PRAC2: variants seen among roughly 807,000 people sequenced by gnomAD.
PRAC2 encodes PRAC2 small nuclear protein, also known as protein PRAC2.
For synonymous variants in PRAC2, 43 were observed against 49.5 expected, an observed-to-expected ratio of 0.87 and a Z score of 0.55; for missense variants, 92 against 114.5, an observed-to-expected ratio of 0.80 and a Z score of 0.90.
chr17:48,724,346 C>A lies in PRAC2; in HGVS notation c.-65C>A. ...TGCACAGGTTCCATACAAGTAAATC[C>A]GAAAAAAAGTGTGTGTGGGGGGGTC... On this transcript the variant is annotated 5_prime_UTR_variant, in exon 2 of 2. Coordinates refer to ENST00000422730, the MANE Select transcript of PRAC2 (RefSeq NM_001282275.2). 2 of 1,233,880 alleles carry A rather than the reference C, an allele frequency of 1.6e-6. No homozygotes were observed. The highest frequency in any genetic ancestry group is 8.2e-5 in the South Asian group (2 of 24,386). The allele number at this position is 1,233,880 out of a possible 1,614,324, so 76.4% of individuals were successfully genotyped here. A position where few individuals can be genotyped will look rare whatever the true frequency, so the allele number is the denominator to read the frequency against.
upstream of PRAC2, among the ~76,000 whole-genome samples, chr17:48,720,739 G>T (rs186649238): frequency 6.6e-6 from 1 of 152,272 alleles, no homozygotes; most frequent in East Asian, 1.9e-4. Flanking sequence ...TCCCCTGTTT[G>T]CATATATGCA....
chr17:48,722,013 A>G, upstream of PRAC2: 9 of 1,203,924 alleles, frequency 7.5e-6, no homozygotes, highest in Non-Finnish European at 1.0e-5. Context: ...CTTATGGCAG[A>G]CCTTACAGCG....
At chr17:48,722,689 A>G (rs2038158635), upstream of PRAC2, among the ~76,000 whole-genome samples, 1 of 151,524 alleles carries the variant, frequency 6.6e-6, no homozygotes, top group South Asian at 2.1e-4. Flanking sequence ...ATCTCCCTGG[A>G]CCTCCTGGTT....
At chr17:48,719,985 T>C (rs2038129759), upstream of PRAC2, among the ~76,000 whole-genome samples, 1 of 152,024 alleles carries the variant, frequency 6.6e-6, no homozygotes, top group South Asian at 2.1e-4. Context: ...AAAACCTGCC[T>C]GGAATGGGAG....
chr17:48,719,205 G>T (rs2038121566), upstream of PRAC2, among the ~76,000 whole-genome samples: 2 of 117,718 alleles, frequency 1.7e-5, no homozygotes, highest in East Asian at 5.3e-4. Flanking sequence ...GCACGCGCTC[G>T]CACACAAACA....
At chr17:48,718,869 C>T (rs1203646485), upstream of PRAC2, among the ~76,000 whole-genome samples, 1 of 152,220 alleles carries the variant, frequency 6.6e-6, no homozygotes, top group Non-Finnish European at 1.5e-5. Context: ...ATCTGGCTAA[C>T]TCCCGCAGGC....
At chr17:48,722,906 G>A (rs1411338206), upstream of PRAC2, among the ~76,000 whole-genome samples, 1 of 152,184 alleles carries the variant, frequency 6.6e-6, no homozygotes, top group Non-Finnish European at 1.5e-5. Flanking sequence ...TATTCTAGGG[G>A]CGATTAAACT....
chr17:48,722,292 C>T (rs748010346), upstream of PRAC2: 7 of 1,590,384 alleles, frequency 4.4e-6, no homozygotes, highest in East Asian at 1.1e-4. Flanking sequence ...CCGTCGATAA[C>T]GCCCTTGGCC....
upstream of PRAC2, among the ~76,000 whole-genome samples, chr17:48,719,056 C>G (rs951441794): frequency 6.6e-6 from 1 of 152,204 alleles, no homozygotes; most frequent in Admixed American, 6.5e-5. Context: ...CCACGCCAGA[C>G]GGAGTGGCCC....
At chr17:48,722,586 C>G (rs1031633464), upstream of PRAC2, 115 of 572,930 alleles carry the variant, frequency 2.0e-4, no homozygotes, top group Non-Finnish European at 3.5e-4. Context: ...AGAAGGCCTG[C>G]GGTTGGTGGC....
upstream of PRAC2, chr17:48,722,382 G>A (rs34734055): frequency 1.2e-3 from 1,920 of 1,614,126 alleles, 23 homozygotes; most frequent in African/African-American, 0.022. Context: ...TGAGAAATGG[G>A]CGCACAACAT....
At chr17:48,722,417 G>C (rs1416306347), upstream of PRAC2, 1 of 1,608,680 alleles carries the variant, frequency 6.2e-7, no homozygotes, top group Admixed American at 1.7e-5. Flanking sequence ...CAAAGGTGGG[G>C]ACCAGAATCC....
upstream of PRAC2, chr17:48,722,424 A>G: frequency 6.2e-7 from 1 of 1,603,162 alleles, no homozygotes; most frequent in Non-Finnish European, 8.5e-7. Flanking sequence ...GGGGACCAGA[A>G]TCCAGCTTGC....
intron 1 of PRAC2, chr17:48,723,795 T>A: frequency 8.1e-7 from 1 of 1,227,272 alleles, no homozygotes; most frequent in African/African-American, 1.6e-5. Flanking sequence ...ATTGCGCCAC[T>A]ACTCCCTTAT....
At chr17:48,722,491 T>G, upstream of PRAC2, 1 of 991,662 alleles carries the variant, frequency 1.0e-6, no homozygotes, top group Non-Finnish European at 1.6e-6. Flanking sequence ...GGCGCTCTGT[T>G]TGCACGCCTT....
rs1206570493 is a variant in PRAC2, at chr17:48,724,454, C to A, written c.44C>A (p.Pro15Gln). 1 of 1,234,234 alleles carries A rather than the reference C, an allele frequency of 8.1e-7. No homozygotes were observed. Among genetic ancestry groups the A allele is most frequent in the African/African-American group, 1.5e-5 (1 of 64,582 alleles). 76.5% of individuals were successfully genotyped at this position (1,234,234 alleles called of 1,614,324 possible). ...GCTCTGCGGCCTGGCTCCCGCAGAC[C>A]GACCGCCTTCTTCTTCCATTCGAGA... ...RMALRPGSRR[P>Q]TAFFFHSRWL... The change falls in exon 2 of 2, where the codon CCG becomes CAG. Residue 15 changes from proline (P) to glutamine (Q), a missense_variant. Coordinates refer to ENST00000422730, the MANE Select transcript of PRAC2 (RefSeq NM_001282275.2).
At position 48,724,733 on chromosome 17, in the gene PRAC2, C is replaced by T; in HGVS notation, c.*50C>T. ...CGTCTTTTTAATGGTCCTAACACAC[C>T]AGTGGAATAAATCTCTAAGATTCCA... On this transcript the variant is annotated 3_prime_UTR_variant, in exon 2 of 2. Transcript: ENST00000422730. 1 of 963,034 alleles carries T rather than the reference C, an allele frequency of 1.0e-6. No homozygotes were observed. The highest frequency in any genetic ancestry group is 1.3e-6 in the Non-Finnish European group (1 of 743,042). 59.7% of individuals were successfully genotyped at this position (963,034 alleles called of 1,614,324 possible). A position where few individuals can be genotyped will look rare whatever the true frequency, so the allele number is the denominator to read the frequency against.
chr17:48,721,012 A>G (rs1281886169), upstream of PRAC2, among the ~76,000 whole-genome samples: 1 of 152,116 alleles, frequency 6.6e-6, no homozygotes, highest in African/African-American at 2.4e-5. Flanking sequence ...GTGCTCACTC[A>G]ATTGTGGGTT....
chr17:48,721,723 C>A, upstream of PRAC2: 1 of 1,326,374 alleles, frequency 7.5e-7, no homozygotes, highest in African/African-American at 1.5e-5. Flanking sequence ...ACCCAGTTTC[C>A]TTTTTTAAAA....
Sources: allele counts gnomAD v4.1 joint callset (sites outside exome capture counted in the v4.1 genomes callset), GRCh38; gene constraint gnomAD v4.1.1; transcripts MANE v1.5; gene names NCBI Gene and HGNC (gene_info 2026-07-23, HGNC 2026-07-21).